ANK2: variants seen among roughly 807,000 people sequenced by gnomAD.
ANK2 encodes the protein ankyrin 2.
In ANK2, 83 loss-of-function variants were observed where a neutral mutation model predicts 360.5. The observed-to-expected ratio is 0.23, with a 90% CI of 0.19 to 0.28. ANK2 has a LOEUF of 0.28. Among genes scored for constraint, ANK2 ranks in the 10% least tolerant of loss-of-function variants. The probability of loss-of-function intolerance (pLI) is 1.00; values close to 1 mark genes in which losing one functional copy is unlikely to be tolerated. For missense variants in ANK2, 4,201 were observed against 4,795.7 expected, an observed-to-expected ratio of 0.88 and a Z score of 3.66; for synonymous variants, 1,740 against 1,759.5, an observed-to-expected ratio of 0.99 and a Z score of 0.28.
Position 113,318,508 on chromosome 4 carries a change from T to C in ANK2, c.2797-9T>C. On this transcript the variant is annotated splice_polypyrimidine_tract_variant and intron_variant, in intron 25 of 45. Transcript: ENST00000357077. ...TGTGTTTATTCAATCCAGTGTTCTT[T>C]GTGTTTAGGTGTCAACTCTAGCCAA... is the stretch of plus-strand genomic sequence containing the variant. 6.2e-7 allele frequency: 1 copy of C among 1,608,108 alleles called. No individual in the cohort carries two copies. Among genetic ancestry groups the C allele is most frequent in the Non-Finnish European group, 8.5e-7 (1 of 1,175,098 alleles).
At chr4:113,118,578 C>T (rs1409032723) in intron 1 of ANK2, among the ~76,000 whole-genome samples, 2 of 152,104 alleles carry the variant, frequency 1.3e-5, no homozygotes, top group Non-Finnish European at 2.9e-5. Context: ...ATGACTGTTA[C>T]TAGGCTACAG....
chr4:113,116,674 G>A (rs542021743), intron 1 of ANK2, among the ~76,000 whole-genome samples: 1 of 152,234 alleles, frequency 6.6e-6, no homozygotes, highest in Non-Finnish European at 1.5e-5. Context: ...AGCAGCCGTA[G>A]CAACGGCAGT....
intron 1 of ANK2, among the ~76,000 whole-genome samples, chr4:112,896,531 T>A (rs1004659288): frequency 6.6e-6 from 1 of 152,194 alleles, no homozygotes; most frequent in Non-Finnish European, 1.5e-5. Flanking sequence ...TCTCAGCTTA[T>A]TGAGATTTCC....
the ANK2 span, among the ~76,000 whole-genome samples, chr4:112,777,319 A>G: frequency 6.6e-6 from 1 of 151,810 alleles, no homozygotes; most frequent in Non-Finnish European, 1.5e-5. Flanking sequence ...GCTCACTGCA[A>G]GCTCCGCCTC....
chr4:113,057,179 A>G (rs1381145158), intron 1 of ANK2, among the ~76,000 whole-genome samples: 1 of 152,304 alleles, frequency 6.6e-6, no homozygotes, highest in African/African-American at 2.4e-5. Context: ...AAAAGTAATG[A>G]GCAATCTACA....
chr4:112,717,077 T>C, the ANK2 span, among the ~76,000 whole-genome samples: 1 of 152,244 alleles, frequency 6.6e-6, no homozygotes, highest in Non-Finnish European at 1.5e-5. Context: ...CAATGCTTTA[T>C]TTCACTAGAC....
chr4:112,829,080 GA>G, intron 1 of ANK2, among the ~76,000 whole-genome samples: 1 of 152,276 alleles, frequency 6.6e-6, no homozygotes, highest in South Asian at 2.1e-4. Flanking sequence ...TTGAACCCAG[GA>G]GGCAGAGGTT....
intron 1 of ANK2, among the ~76,000 whole-genome samples, chr4:112,843,673 T>A (rs550917130): frequency 1.4e-4 from 22 of 152,128 alleles, no homozygotes; most frequent in Non-Finnish European, 2.2e-4. Context: ...AAAATGAAAA[T>A]TTTTTTTCTT....
intron 1 of ANK2, among the ~76,000 whole-genome samples, chr4:113,072,931 G>A (rs529623309): frequency 1.4e-5 from 2 of 140,238 alleles, no homozygotes; most frequent in African/African-American, 5.4e-5. Flanking sequence ...TTTTCTTCTC[G>A]ACTCTGTCAC....
the ANK2 span, among the ~76,000 whole-genome samples, chr4:112,761,501 T>C: frequency 6.6e-6 from 1 of 152,080 alleles, no homozygotes; most frequent in African/African-American, 2.4e-5. Flanking sequence ...GCGCCTGCAG[T>C]CCCAGCTGTT....
chr4:112,946,187 G>A (rs770773674), intron 2 of ANK2, among the ~76,000 whole-genome samples: 2 of 152,146 alleles, frequency 1.3e-5, no homozygotes, highest in African/African-American at 2.4e-5. Context: ...CTTGTTGAGC[G>A]GGAGACAGGA....
At chr4:112,727,239 T>C in the ANK2 span, among the ~76,000 whole-genome samples, 1 of 151,966 alleles carries the variant, frequency 6.6e-6, no homozygotes, top group Non-Finnish European at 1.5e-5. Context: ...ATTGACTAGA[T>C]GTATAGCCTT....
At chr4:112,941,654 G>GAT (rs1007399674) in intron 2 of ANK2, among the ~76,000 whole-genome samples, 47 of 142,458 alleles carry the variant, frequency 3.3e-4, no homozygotes, top group African/African-American at 1.1e-3. Flanking sequence ...TAAATATATA[G>GAT]ATATATATAA....
At chr4:112,911,995 G>A (rs2087663980) in intron 2 of ANK2, among the ~76,000 whole-genome samples, 1 of 151,852 alleles carries the variant, frequency 6.6e-6, no homozygotes, top group Admixed American at 6.6e-5. Flanking sequence ...GGCTAACACA[G>A]TGAAACCCCG....
At chr4:113,159,072 C>A (rs1009856221) in intron 1 of ANK2, among the ~76,000 whole-genome samples, 1 of 151,964 alleles carries the variant, frequency 6.6e-6, no homozygotes, top group Non-Finnish European at 1.5e-5. Flanking sequence ...ATTTTAGGCA[C>A]TGAATTAGGT....
the ANK2 span, among the ~76,000 whole-genome samples, chr4:112,753,676 GTTA>G: frequency 6.6e-6 from 1 of 152,106 alleles, no homozygotes; most frequent in East Asian, 1.9e-4. Flanking sequence ...GTGACCTCTG[GTTA>G]CCCTCACTGC....
chr4:112,753,629 C>G, the ANK2 span, among the ~76,000 whole-genome samples: 2 of 152,120 alleles, frequency 1.3e-5, no homozygotes. Context: ...AGTGAAGAAG[C>G]CAGCCAAAAC....
intron 2 of ANK2, among the ~76,000 whole-genome samples, chr4:113,017,426 TGAA>T (rs1221080305): frequency 6.6e-6 from 1 of 152,076 alleles, no homozygotes; most frequent in African/African-American, 2.4e-5. Flanking sequence ...ATTTTTTGTT[TGAA>T]GAAGAAGCTC....
intron 2 of ANK2, among the ~76,000 whole-genome samples, chr4:112,981,493 G>A (rs1390029216): frequency 6.6e-6 from 1 of 152,190 alleles, no homozygotes; most frequent in Non-Finnish European, 1.5e-5. Context: ...CCTTGCAGAG[G>A]TGGAACCATG....
Sources: gnomAD v4.1 joint callset for allele counts (sites outside exome capture counted in the v4.1 genomes callset) on GRCh38, gnomAD v4.1.1 for gene constraint, MANE v1.5 for transcripts, NCBI Gene and HGNC (gene_info 2026-07-23, HGNC 2026-07-21) for gene names.